KDM5A: variants seen among roughly 807,000 people sequenced by gnomAD.
KDM5A encodes the protein lysine demethylase 5A.
In KDM5A, 42 loss-of-function variants were observed where a neutral mutation model predicts 193.5. That is an observed-to-expected ratio of 0.22 (90% CI 0.17 to 0.28). The LOEUF is 0.28. Ranked by LOEUF, KDM5A falls within the 10% of genes least tolerant of loss-of-function variation. KDM5A has a pLI of 1.00. For missense variants in KDM5A, 1,692 were observed against 2,055.1 expected (o/e 0.82, Z 3.42); for synonymous variants, 796 against 718.1 (o/e 1.11, Z -1.73).
In KDM5A at chr12:368,520, C is replaced by CA. The variant is rs200725674; in HGVS notation, c.367-2417dup. Among the ~76,000 whole-genome samples the CA allele has an allele frequency of 7.1e-3, 1,080 of 152,256 alleles. 17 individuals are homozygous for CA. Among genetic ancestry groups the CA allele is most frequent in the African/African-American group, 0.025 (1,052 of 41,550 alleles). The stretch of plus-strand genomic sequence containing the variant: ...CTGAGGCAGGCGGATCACCTGAGGT[C>CA]AGCAGTTCGAGACCAGCCTGGCCAA... On this transcript the variant is annotated intron_variant, in intron 3 of 27. Coordinates refer to ENST00000399788, the MANE Select transcript of KDM5A (RefSeq NM_001042603.3).
At chr12:376,253 G>A (rs1944502542) in intron 3 of KDM5A, among the ~76,000 whole-genome samples, 1 of 152,184 alleles carries the variant, frequency 6.6e-6, no homozygotes. Flanking sequence ...GGGCTGCTTT[G>A]TTTACCTACT....
At chr12:377,328 A>C (rs1944519245) in intron 3 of KDM5A, among the ~76,000 whole-genome samples, 1 of 152,192 alleles carries the variant, frequency 6.6e-6, no homozygotes, top group South Asian at 2.1e-4. Context: ...AAAATTATCA[A>C]AGAATACAGG....
intron 24 of KDM5A, among the ~76,000 whole-genome samples, chr12:299,325 G>C (rs1000392954): frequency 6.6e-6 from 1 of 152,204 alleles, no homozygotes; most frequent in Non-Finnish European, 1.5e-5. Context: ...ACAAAGGGAA[G>C]CCCATCAGAC....
intron 10 of KDM5A, among the ~76,000 whole-genome samples, chr12:345,039 G>A (rs951697638): frequency 2.6e-5 from 4 of 151,742 alleles, no homozygotes; most frequent in East Asian, 1.9e-4. Flanking sequence ...GTGCAAAGAC[G>A]CACACAGGCT....
intron 3 of KDM5A, among the ~76,000 whole-genome samples, chr12:379,885 T>G (rs181011599): frequency 2.0e-5 from 3 of 152,248 alleles, no homozygotes; most frequent in East Asian, 3.9e-4. Flanking sequence ...TGGATGACCG[T>G]TATAAGGAGA....
At chr12:353,307 G>A (rs1458527501) in intron 8 of KDM5A, among the ~76,000 whole-genome samples, 1 of 152,156 alleles carries the variant, frequency 6.6e-6, no homozygotes, top group Non-Finnish European at 1.5e-5. Flanking sequence ...TGCAGACTGA[G>A]CGAGAGGCTG....
rs976778737 is a variant in KDM5A, at chr12:307,635, G to A, written c.3749C>T (p.Thr1250Ile). The A allele has an allele frequency of 1.9e-6, 3 of 1,614,180 alleles. No homozygotes were observed. In the Admixed American group the frequency reaches 5.0e-5, roughly 27 times the overall value. Residue 1250 changes from threonine (T) to isoleucine (I), a missense_variant, in exon 23 of 28, where the codon ACA becomes ATA. Around this residue, in one of 11 missense-constraint regions of KDM5A, gnomAD observed 965 missense variants for 1,061.0 expected, o/e 0.91. Coordinates refer to ENST00000399788, the MANE Select transcript of KDM5A (RefSeq NM_001042603.3). The surrounding 1 kb of genome is among the most constrained non-coding windows in gnomAD (Gnocchi z 4.3). Reference sequence around the variant, plus strand: ...ATCTTGCCAACTCATAGCACGTTCTGTCAAACACTGCAGGGCCTCTCCTTC... The same window carrying A: ...ATCTTGCCAACTCATAGCACGTTCTATCAAACACTGCAGGGCCTCTCCTTC... ...LPEGEALQCL[T>I]ERAMSWQDRA...
At chr12:359,717 G>C (rs1456642737) in intron 5 of KDM5A, among the ~76,000 whole-genome samples, 3 of 148,192 alleles carry the variant, frequency 2.0e-5, no homozygotes, top group African/African-American at 7.5e-5. Flanking sequence ...ACTCCAGCCT[G>C]GGTGACAGAG....
At chr12:301,438 T>A (rs750293190) in intron 24 of KDM5A, among the ~76,000 whole-genome samples, 9 of 152,206 alleles carry the variant, frequency 5.9e-5, no homozygotes, top group Non-Finnish European at 1.0e-4. Context: ...CACATGATTA[T>A]TATCTCGATA....
rs76394439 is a variant in KDM5A at position 369,175 on chromosome 12, A to T, written c.367-3071T>A. ...CCTCAAAGAAGCCCTCTCTGTTCAA[A>T]CAATCAATCAGGGGAAAATCATACA... On this transcript the variant is annotated intron_variant, in intron 3 of 27. Coordinates refer to ENST00000399788, the MANE Select transcript of KDM5A (RefSeq NM_001042603.3). Among the ~76,000 whole-genome samples the T allele has an allele frequency of 3.0e-3, 441 of 149,034 alleles. 13 individuals carry two copies. In the East Asian group the frequency reaches 0.065, roughly 22 times the overall value.
intron 18 of KDM5A, among the ~76,000 whole-genome samples, chr12:318,978 A>C (rs1037328538): frequency 8.5e-5 from 13 of 152,388 alleles, no homozygotes; most frequent in Non-Finnish European, 1.5e-4. Flanking sequence ...GAGGATCTGA[A>C]GGAAGAACGG....
intron 3 of KDM5A, among the ~76,000 whole-genome samples, chr12:379,434 T>C (rs1474060673): frequency 6.7e-6 from 1 of 150,338 alleles, no homozygotes; most frequent in African/African-American, 2.5e-5. Flanking sequence ...AAAAATGTTA[T>C]ATATCTTGAT....
intron 13 of KDM5A, among the ~76,000 whole-genome samples, chr12:330,085 G>GTGTGTGTGTGTGTGTGTGTATATATATA (rs377271333): frequency 1.6e-4 from 22 of 139,368 alleles, no homozygotes; most frequent in African/African-American, 3.0e-4. Context: ...GTGTGTGTGT[G>GTGTGTGTGTGTGTGTGTGTATATATATA]TATATATATA....
intron 3 of KDM5A, among the ~76,000 whole-genome samples, chr12:380,665 G>C (rs1006938511): frequency 6.6e-6 from 1 of 152,052 alleles, no homozygotes; most frequent in Non-Finnish European, 1.5e-5. Context: ...GGAGGTAGCA[G>C]TGAGCCAAGA....
intron 19 of KDM5A, among the ~76,000 whole-genome samples, chr12:315,643 A>G (rs967883985): frequency 6.6e-6 from 1 of 152,212 alleles, no homozygotes; most frequent in Non-Finnish European, 1.5e-5. Context: ...CTTAAAAAAA[A>G]AAAATGAAAG....
At chr12:289,402 G>C (rs374890088) in intron 27 of KDM5A, among the ~76,000 whole-genome samples, 1 of 151,930 alleles carries the variant, frequency 6.6e-6, no homozygotes, top group South Asian at 2.1e-4. Context: ...ATTTTAGCTT[G>C]ACATTAATTT....
intron 3 of KDM5A, among the ~76,000 whole-genome samples, chr12:372,355 G>A (rs186354849): frequency 6.6e-6 from 1 of 152,182 alleles, no homozygotes; most frequent in Non-Finnish European, 1.5e-5. Flanking sequence ...TATTCTGTTT[G>A]AAGCAATTGT....
intron 24 of KDM5A, among the ~76,000 whole-genome samples, chr12:298,124 C>T (rs1943396972): frequency 6.6e-6 from 1 of 152,232 alleles, no homozygotes; most frequent in African/African-American, 2.4e-5. Context: ...GCAGCTTCAG[C>T]AGACTTAAAT....
Position 328,692 on chromosome 12 carries a change from TTATAAAAA to T in KDM5A, c.1968+135_1968+142del. The T allele has an allele frequency of 9.6e-6, 7 of 731,660 alleles. No individual in the cohort carries two copies. The South Asian group carries it at 1.3e-4, about 13-fold the overall frequency. The allele number at this position is 731,660 out of a possible 1,614,324, so 45.3% of individuals were successfully genotyped here. A position where few individuals can be genotyped will look rare whatever the true frequency, so the allele number is the denominator to read the frequency against. ...TAATCTGGAGAAATCAATATGTCAA[TTATAAAAA>T]TATAAAATCTTCTCCAAATCAGTGA... is the stretch of plus-strand genomic sequence containing the variant. On this transcript the variant is annotated intron_variant, in intron 14 of 27. Coordinates refer to ENST00000399788, the MANE Select transcript of KDM5A (RefSeq NM_001042603.3).
Sources: gnomAD v4.1 joint callset for allele counts (sites outside exome capture counted in the v4.1 genomes callset) on GRCh38, gnomAD v4.1.1 for gene constraint, gnomAD v4.1.1 regional missense constraint, Gnocchi (gnomAD v3.1) non-coding constraint, MANE v1.5 for transcripts, NCBI Gene and HGNC (gene_info 2026-07-23, HGNC 2026-07-21) for gene names.